The following LHFPL2 variants were observed in gnomAD, a reference collection of about 807,000 sequenced individuals.
The protein encoded by LHFPL2 is LHFPL tetraspan subfamily member 2 protein.
LHFPL2 carries 7 observed loss-of-function variants against 17.5 expected under a neutral mutation model. That is an observed-to-expected ratio of 0.40 (90% CI 0.23 to 0.75). The LOEUF (loss-of-function observed/expected upper bound fraction) is 0.75, where lower values mean the gene tolerates loss of function less well. LHFPL2 is among the 30% of genes least tolerant of loss of function. LHFPL2 has a pLI of 0.37. For missense variants in LHFPL2, 241 were observed against 294.8 expected (o/e 0.82, Z 1.34); for synonymous variants, 134 against 116.2 (o/e 1.15, Z -0.99).
intron 2 of LHFPL2, among the ~76,000 whole-genome samples, chr5:78,601,100 G>A (rs1260876757): frequency 1.3e-5 from 2 of 152,150 alleles, no homozygotes; most frequent in Non-Finnish European, 2.9e-5. Flanking sequence ...AAAAGATCAA[G>A]TAACAACAGG....
intron 2 of LHFPL2, among the ~76,000 whole-genome samples, chr5:78,579,310 G>A (rs1464564917): frequency 6.6e-6 from 1 of 151,310 alleles, no homozygotes; most frequent in Non-Finnish European, 1.5e-5. Flanking sequence ...GTGCTCGCAA[G>A]GTTTTTTTTT....
chr5:78,600,342 G>C (rs1196666936), intron 2 of LHFPL2, among the ~76,000 whole-genome samples: 2 of 151,394 alleles, frequency 1.3e-5, no homozygotes, highest in African/African-American at 2.4e-5. Context: ...CTTCAGTTTG[G>C]GGTTACAGGT....
At chr5:78,610,366 A>G (rs546096091) in intron 2 of LHFPL2, among the ~76,000 whole-genome samples, 1 of 152,310 alleles carries the variant, frequency 6.6e-6, no homozygotes, top group South Asian at 2.1e-4. Context: ...GAGAAGAGAA[A>G]AGATCCAGAT....
chr5:78,534,999 G>T (rs1470436701), intron 3 of LHFPL2, among the ~76,000 whole-genome samples: 2 of 152,216 alleles, frequency 1.3e-5, no homozygotes, highest in African/African-American at 4.8e-5. Flanking sequence ...ATGGCATTTT[G>T]TCATAAGCTG....
intron 2 of LHFPL2, among the ~76,000 whole-genome samples, chr5:78,566,109 C>A (rs1756853324): frequency 6.6e-6 from 1 of 152,098 alleles, no homozygotes; most frequent in South Asian, 2.1e-4. Flanking sequence ...AGAAAATATT[C>A]AACAGCCTCA....
Position 78,487,203 on chromosome 5 carries a change from TGGTTTCTCA to T in LHFPL2, c.*1685_*1693del, listed in dbSNP as rs1170498832. ...CCTTAGCCCTTAATCTGTGAGAAGA[TGGTTTCTCA>T]TATAGGCCAAACACCAGAATGTAGT... On this transcript the variant is annotated 3_prime_UTR_variant, in exon 5 of 5. Coordinates refer to ENST00000380345, the MANE Select transcript of LHFPL2 (RefSeq NM_005779.3). 1 of 152,228 alleles carries T rather than the reference TGGTTTCTCA, an allele frequency of 6.6e-6. No homozygotes were observed. Among genetic ancestry groups the T allele is most frequent in the Non-Finnish European group, 1.5e-5 (1 of 68,044 alleles). The allele number at this position is 152,228 out of a possible 1,614,324, so 9.4% of individuals were successfully genotyped here.
intron 2 of LHFPL2, among the ~76,000 whole-genome samples, chr5:78,584,044 C>T (rs1481030546): frequency 6.6e-5 from 10 of 152,202 alleles, no homozygotes; most frequent in South Asian, 4.2e-4. Flanking sequence ...CATCTTCCAT[C>T]GCTGATACCC....
intron 3 of LHFPL2, among the ~76,000 whole-genome samples, chr5:78,535,040 C>T (rs766753974): frequency 3.3e-5 from 5 of 152,178 alleles, no homozygotes; most frequent in Non-Finnish European, 7.3e-5. Context: ...CGGAAAAAAC[C>T]CAACGACTTC....
chr5:78,498,556 G>A (rs1418616973), intron 4 of LHFPL2, among the ~76,000 whole-genome samples: 2 of 152,168 alleles, frequency 1.3e-5, no homozygotes, highest in Non-Finnish European at 2.9e-5. Flanking sequence ...CTGTCAGACA[G>A]TCTGAAGACT....
At position 78,487,967 on chromosome 5, in the gene LHFPL2, C is replaced by G. The variant is rs991003791; in HGVS notation, c.*930G>C. The G allele has an allele frequency of 1.3e-5, 2 of 152,198 alleles. No individual in the cohort carries two copies. The highest frequency in any genetic ancestry group is 2.4e-5 in the African/African-American group (1 of 41,446). 9.4% of individuals were successfully genotyped at this position (152,198 alleles called of 1,614,324 possible). On this transcript the variant is annotated 3_prime_UTR_variant, in exon 5 of 5. Transcript: ENST00000380345. ...CCAAACTGGGAGTAAAGGTCTCCCC[C>G]CAAGTGCCGAGATTCTGGCAGGTCC...
intron 2 of LHFPL2, among the ~76,000 whole-genome samples, chr5:78,623,159 A>C (rs149937454): frequency 6.6e-6 from 1 of 152,340 alleles, no homozygotes; most frequent in African/African-American, 2.4e-5. Flanking sequence ...ACTGTACTTA[A>C]GTGATTTAGA....
chr5:78,568,218 T>G (rs945628012), intron 2 of LHFPL2, among the ~76,000 whole-genome samples: 3 of 152,246 alleles, frequency 2.0e-5, no homozygotes, highest in Admixed American at 6.5e-5. Flanking sequence ...ATGTATATTA[T>G]TAATCTGCTT....
intron 2 of LHFPL2, among the ~76,000 whole-genome samples, chr5:78,584,274 C>A (rs1393962506): frequency 2.6e-5 from 4 of 152,348 alleles, no homozygotes; most frequent in African/African-American, 9.6e-5. Flanking sequence ...AAGCCTTCTT[C>A]TCTCAGCTCG....
chr5:78,586,141 A>G (rs1743386399), intron 2 of LHFPL2, among the ~76,000 whole-genome samples: 1 of 152,338 alleles, frequency 6.6e-6, no homozygotes, highest in South Asian at 2.1e-4. Flanking sequence ...TGCTTAGCAG[A>G]GCCCAGCTCC....
chr5:78,511,121 TAA>T (rs935213575), intron 3 of LHFPL2, among the ~76,000 whole-genome samples: 2 of 151,478 alleles, frequency 1.3e-5, no homozygotes, highest in South Asian at 2.1e-4. Flanking sequence ...AAAAAAACCT[TAA>T]GAGTTCATGA....
chr5:78,640,378 G>A (rs1745623614), intron 1 of LHFPL2, among the ~76,000 whole-genome samples: 1 of 152,152 alleles, frequency 6.6e-6, no homozygotes, highest in South Asian at 2.1e-4. Flanking sequence ...TTCAGAGGAA[G>A]CTGCCCCATT....
intron 3 of LHFPL2, among the ~76,000 whole-genome samples, chr5:78,511,159 A>G (rs191367044): frequency 4.6e-5 from 7 of 152,310 alleles, no homozygotes; most frequent in Admixed American, 1.3e-4. Flanking sequence ...TATTTTTAAA[A>G]GACATTAATG....
At chr5:78,638,655 C>A (rs1184060934) in intron 1 of LHFPL2, among the ~76,000 whole-genome samples, 1 of 152,158 alleles carries the variant, frequency 6.6e-6, no homozygotes, top group Non-Finnish European at 1.5e-5. Flanking sequence ...GGCTGACGCA[C>A]CCTTGGTTAC....
intron 2 of LHFPL2, among the ~76,000 whole-genome samples, chr5:78,616,284 A>T (rs1744607717): frequency 6.6e-6 from 1 of 151,840 alleles, no homozygotes; most frequent in Non-Finnish European, 1.5e-5. Flanking sequence ...CCGCCACCTC[A>T]CCCGGCTAAT....
Sources: gnomAD v4.1 joint callset for allele counts (sites outside exome capture counted in the v4.1 genomes callset) on GRCh38, gnomAD v4.1.1 for gene constraint, MANE v1.5 for transcripts, NCBI Gene and HGNC (gene_info 2026-07-23, HGNC 2026-07-21) for gene names.